The following PTPN9 variants were observed in gnomAD, a reference collection of about 807,000 sequenced individuals.
PTPN9 encodes the protein tyrosine-protein phosphatase non-receptor type 9.
A neutral mutation model predicts 69.8 loss-of-function variants in PTPN9; 26 were observed. The ratio of observed to expected loss-of-function variants is 0.37; its 90% CI spans 0.27 to 0.52. The LOEUF (loss-of-function observed/expected upper bound fraction) is 0.52. Ranked by LOEUF, PTPN9 falls within the 20% of genes least tolerant of loss-of-function variation. The pLI is 0.91. For synonymous variants in PTPN9, 274 were observed against 272.5 expected (o/e 1.01, Z -0.05); for missense variants, 549 against 740.3 (o/e 0.74, Z 3.00).
intron 8 of PTPN9, among the ~76,000 whole-genome samples, chr15:75,483,135 G>A (rs76063558): frequency 0.2 from 31,057 of 152,102 alleles, 3,596 homozygotes; most frequent in Non-Finnish European, 0.26. Flanking sequence ...ATGGCTAGTG[G>A]TAATGTAAAA....
intron 1 of PTPN9, among the ~76,000 whole-genome samples, chr15:75,527,880 AAAAG>A (rs1200865233): frequency 8.5e-5 from 13 of 152,100 alleles, no homozygotes; most frequent in African/African-American, 3.1e-4. Context: ...GAAAGAAAAA[AAAAG>A]AAAACAAAAA....
chr15:75,519,990 T>C (rs2074894218), intron 4 of PTPN9, among the ~76,000 whole-genome samples: 1 of 151,808 alleles, frequency 6.6e-6, no homozygotes, highest in African/African-American at 2.4e-5. Flanking sequence ...ATTGGACGGG[T>C]TTATTAGTAC....
intron 7 of PTPN9, among the ~76,000 whole-genome samples, chr15:75,503,210 C>T (rs577936249): frequency 6.6e-6 from 1 of 151,100 alleles, no homozygotes; most frequent in South Asian, 2.1e-4. Flanking sequence ...TTCCCGGCAG[C>T]CATCCCATCT....
intron 1 of PTPN9, among the ~76,000 whole-genome samples, chr15:75,554,191 GA>G (rs1388296573): frequency 1.4e-5 from 2 of 141,040 alleles, no homozygotes; most frequent in Non-Finnish European, 3.1e-5. Flanking sequence ...GCTGAAAAAA[GA>G]AAAAAAAATT....
intron 7 of PTPN9, among the ~76,000 whole-genome samples, chr15:75,496,835 G>A (rs1267935408): frequency 6.6e-6 from 1 of 152,008 alleles, no homozygotes; most frequent in Non-Finnish European, 1.5e-5. Context: ...TTAGAATTAG[G>A]GATGAAATAC....
At chr15:75,528,276 T>C (rs2074939964) in intron 1 of PTPN9, among the ~76,000 whole-genome samples, 1 of 152,176 alleles carries the variant, frequency 6.6e-6, no homozygotes, top group Non-Finnish European at 1.5e-5. Context: ...AACTAATTCA[T>C]GTTCTTTTAT....
At chr15:75,576,335 G>A (rs940109224) in intron 1 of PTPN9, among the ~76,000 whole-genome samples, 3 of 151,886 alleles carry the variant, frequency 2.0e-5, no homozygotes, top group Non-Finnish European at 2.9e-5. Context: ...AGTATGATGA[G>A]ACTAGCCTGG....
At position 75,578,828 on chromosome 15, in the gene PTPN9, C is replaced by T. The variant is rs1214041921; in HGVS notation, c.-52G>A. The T allele has an allele frequency of 1.7e-6, 2 of 1,158,562 alleles. No individual in the cohort carries two copies. Among genetic ancestry groups the T allele is most frequent in the Non-Finnish European group, 1.1e-6 (1 of 931,712 alleles). The allele number at this position is 1,158,562 out of a possible 1,614,324, so 71.8% of individuals were successfully genotyped here. On this transcript the variant is annotated 5_prime_UTR_variant, in exon 1 of 13. Coordinates refer to ENST00000618819, the MANE Select transcript of PTPN9 (RefSeq NM_002833.4). ...AAAACTCGCTCGCGAGCGCGGGAGC[C>T]CGGCGCGCTCGGCCTCCGCTTCCGC...
chr15:75,487,680 G>T (rs2074686532), intron 8 of PTPN9: 1 of 152,238 alleles, frequency 6.6e-6, no homozygotes. Flanking sequence ...CAGTACTGAT[G>T]AATTTACCCT....
At chr15:75,547,027 G>A (rs543336145) in intron 1 of PTPN9, among the ~76,000 whole-genome samples, 57 of 152,138 alleles carry the variant, frequency 3.7e-4, no homozygotes, top group Non-Finnish European at 7.1e-4. Flanking sequence ...CAGGCACGGT[G>A]GCTCATGCCT....
chr15:75,472,402 T>G (rs1294054174), intron 10 of PTPN9, among the ~76,000 whole-genome samples: 1 of 151,634 alleles, frequency 6.6e-6, no homozygotes, highest in African/African-American at 2.4e-5. Flanking sequence ...GCAGAGCCTG[T>G]AGTGAGCTGA....
chr15:75,512,305 G>T (rs2074849082), intron 5 of PTPN9, among the ~76,000 whole-genome samples: 1 of 151,216 alleles, frequency 6.6e-6, no homozygotes, highest in Non-Finnish European at 1.5e-5. Context: ...GGGCTCAAGT[G>T]ATCCTCCTGC....
At chr15:75,521,376 CG>C (rs2074904419) in intron 4 of PTPN9, among the ~76,000 whole-genome samples, 1 of 151,458 alleles carries the variant, frequency 6.6e-6, no homozygotes, top group Non-Finnish European at 1.5e-5. Context: ...GGCACGAACC[CG>C]GGAGTCGGAG....
intron 3 of PTPN9, 36 bp from the exon 4 acceptor site, chr15:75,523,281 A>C: frequency 2.5e-6 from 4 of 1,602,948 alleles, no homozygotes; most frequent in Non-Finnish European, 3.4e-6. Context: ...TAAAAAAATC[A>C]AATAGAAAAT....
At chr15:75,536,290 T>C (rs1048140768) in intron 1 of PTPN9, among the ~76,000 whole-genome samples, 2 of 152,212 alleles carry the variant, frequency 1.3e-5, no homozygotes, top group African/African-American at 2.4e-5. Flanking sequence ...AGATCGCTTC[T>C]TGGCCTTTCG....
chr15:75,517,387 A>G (rs2074876044), intron 4 of PTPN9, 23 bp from the exon 5 acceptor site: 1 of 1,587,830 alleles, frequency 6.3e-7, no homozygotes, highest in South Asian at 1.1e-5. Flanking sequence ...CATTGAACAA[A>G]AACATTTGTA....
At position 75,540,858 on chromosome 15, in the gene PTPN9, G is replaced by A. The variant is rs142010684; in HGVS notation, c.64-13597C>T. ...TTTGGGAAGCTGAGGTGGGAGGATC[G>A]CTTGAGCCCAGGAGTTTGAGACCAG... On this transcript the variant is annotated intron_variant, in intron 1 of 12. Transcript: ENST00000618819. Among the ~76,000 whole-genome samples the A allele has an allele frequency of 3.8e-3, 580 of 151,786 alleles. 5 individuals are homozygous for A. The highest frequency in any genetic ancestry group is 0.013 in the African/African-American group (552 of 41,420).
chr15:75,540,768 C>T (rs917799729), intron 1 of PTPN9, among the ~76,000 whole-genome samples: 1 of 151,426 alleles, frequency 6.6e-6, no homozygotes, highest in Non-Finnish European at 1.5e-5. Context: ...GATCCTGTCT[C>T]TATTTAAAAC....
intron 1 of PTPN9, among the ~76,000 whole-genome samples, chr15:75,558,829 T>C (rs937605712): frequency 6.6e-6 from 1 of 152,224 alleles, no homozygotes; most frequent in Non-Finnish European, 1.5e-5. Context: ...GTTCACTCAG[T>C]GCTCAATGTT....
Sources: allele counts gnomAD v4.1 joint callset (sites outside exome capture counted in the v4.1 genomes callset), GRCh38; gene constraint gnomAD v4.1.1; transcripts MANE v1.5; gene names NCBI Gene and HGNC (gene_info 2026-07-23, HGNC 2026-07-21).